Variants in ADAT1 observed in about 807,000 individuals in gnomAD.
The protein encoded by ADAT1 is tRNA-specific adenosine deaminase 1.
A neutral mutation model predicts 58.6 loss-of-function variants in ADAT1; 58 were observed. The ratio of observed to expected loss-of-function variants is 0.99; its 90% CI spans 0.80 to 1.23. The LOEUF (loss-of-function observed/expected upper bound fraction) is 1.23, where lower values mean the gene tolerates loss of function less well. ADAT1 is among the 50% of genes most tolerant of loss of function. The pLI is 0.00. For missense variants in ADAT1, 741 were observed against 608.6 expected, an observed-to-expected ratio of 1.22 and a Z score of -2.29; for synonymous variants, 254 against 220.8, an observed-to-expected ratio of 1.15 and a Z score of -1.33.
At chr16:75,620,062 G>A (rs913955481) in intron 3 of ADAT1, among the ~76,000 whole-genome samples, 5 of 152,038 alleles carry the variant, frequency 3.3e-5, no homozygotes, top group Admixed American at 2.0e-4. Flanking sequence ...TCAGTTATTC[G>A]GAAAGCATGT....
intron 5 of ADAT1, among the ~76,000 whole-genome samples, chr16:75,616,318 T>C (rs1423207009): frequency 6.6e-6 from 1 of 152,180 alleles, no homozygotes; most frequent in Non-Finnish European, 1.5e-5. Flanking sequence ...TCATTCTTTC[T>C]TAAGCTGTAT....
chr16:75,608,750 T>C (rs745371301), intron 7 of ADAT1, 93 bp downstream of exon 7: 80 of 1,483,866 alleles, frequency 5.4e-5, no homozygotes, highest in Non-Finnish European at 6.5e-5. Flanking sequence ...AGTGGTGAAC[T>C]ACCTTCCTAG....
intron 9 of ADAT1, among the ~76,000 whole-genome samples, chr16:75,600,856 T>G (rs1402201975): frequency 6.6e-6 from 1 of 152,230 alleles, no homozygotes; most frequent in Admixed American, 6.5e-5. Context: ...AATAAAATAT[T>G]AAATTTAGAG....
intron 6 of ADAT1, among the ~76,000 whole-genome samples, chr16:75,610,517 G>T (rs2081498971): frequency 6.6e-6 from 1 of 152,116 alleles, no homozygotes; most frequent in Non-Finnish European, 1.5e-5. Flanking sequence ...GGTTGGTCTT[G>T]AACTCCTGGA....
In ADAT1 at chr16:75,599,200, G is replaced by A. The variant is rs977653054; in HGVS notation, c.*1016C>T. The stretch of plus-strand genomic sequence containing the variant: ...GGGTTCAAGCAATTCTCCTGCCTCA[G>A]CCTCCCGAGTAGCTAGGATTACAGG... On this transcript the variant is annotated 3_prime_UTR_variant, in exon 10 of 10. Coordinates refer to ENST00000564657, the MANE Select transcript of ADAT1 (RefSeq NM_001324445.2). The A allele has an allele frequency of 1.1e-6, 1 of 888,626 alleles. No individual in the cohort carries two copies. Among genetic ancestry groups the A allele is most frequent in the Non-Finnish European group, 1.3e-6 (1 of 744,780 alleles). The allele number at this position is 888,626 out of a possible 1,614,324, so 55.0% of individuals were successfully genotyped here.
chr16:75,619,249 G>A (rs183336836), intron 3 of ADAT1, among the ~76,000 whole-genome samples: 328 of 152,218 alleles, frequency 2.2e-3, no homozygotes, highest in African/African-American at 7.3e-3. Flanking sequence ...GGCCAGGGAC[G>A]CAATAGCTCA....
chr16:75,618,577 T>A lies in ADAT1; in HGVS notation c.293+9A>T. ...CCTGCTGAACCATACTCTGGAGATG[T>A]GGCTTTACCTTTGGAAACTCCTTCT... On this transcript the variant is annotated intron_variant, in intron 4 of 9. Coordinates refer to ENST00000564657, the MANE Select transcript of ADAT1 (RefSeq NM_001324445.2). The A allele has an allele frequency of 6.3e-7, 1 of 1,584,778 alleles. No individual in the cohort carries two copies. The highest frequency in any genetic ancestry group is 2.2e-5 in the East Asian group (1 of 44,532).
In ADAT1 at chr16:75,623,099, C is replaced by T. The variant is rs758942665; in HGVS notation, c.-718G>A. The T allele has an allele frequency of 6.6e-6, 1 of 152,462 alleles. No individual in the cohort carries two copies. The highest frequency in any genetic ancestry group is 1.9e-4 in the East Asian group (1 of 5,184). 9.4% of individuals were successfully genotyped at this position (152,462 alleles called of 1,614,324 possible). A position where few individuals can be genotyped will look rare whatever the true frequency, so the allele number is the denominator to read the frequency against. ...GGCGCCGGCTGCTGACAGTTCCAGGCGTGGAGCGCCTTCCCACGTGAAACG... is the reference window on the plus strand; with the variant it reads ...GGCGCCGGCTGCTGACAGTTCCAGGTGTGGAGCGCCTTCCCACGTGAAACG... On this transcript the variant is annotated 5_prime_UTR_variant, in exon 1 of 10. Transcript: ENST00000564657.
At chr16:75,620,143 TAGTC>T (rs1249480532) in intron 3 of ADAT1, 119 bp downstream of exon 3, 42 of 916,898 alleles carry the variant, frequency 4.6e-5, no homozygotes, top group Non-Finnish European at 5.3e-5. Flanking sequence ...ACTGGACTGA[TAGTC>T]AGTAGGAAAC....
chr16:75,618,416 G>C (rs1270585448), intron 4 of ADAT1, among the ~76,000 whole-genome samples, 170 bp downstream of exon 4: 1 of 150,986 alleles, frequency 6.6e-6, no homozygotes. Flanking sequence ...TGAGGCAGGA[G>C]AATTGCTTGA....
At chr16:75,603,810 T>C (rs2081289726) in intron 8 of ADAT1, among the ~76,000 whole-genome samples, 1 of 152,180 alleles carries the variant, frequency 6.6e-6, no homozygotes, top group Admixed American at 6.5e-5. Flanking sequence ...GGAAATGCTG[T>C]GTATACCAAC....
Position 75,598,233 on chromosome 16 carries a change from CA to C in ADAT1, c.*1982del. Reference sequence around the variant, plus strand: ...TTGGGACTATAGGCGTGCGCCAATACACCTGGCTAATTTTTGTATTTTTAGT... The same window carrying C: ...TTGGGACTATAGGCGTGCGCCAATACCCTGGCTAATTTTTGTATTTTTAGT... On this transcript the variant is annotated 3_prime_UTR_variant, in exon 10 of 10. Coordinates refer to ENST00000564657, the MANE Select transcript of ADAT1 (RefSeq NM_001324445.2). The C allele has an allele frequency of 2.8e-6, 1 of 353,458 alleles. No homozygotes were observed. Among genetic ancestry groups the C allele is most frequent in the Non-Finnish European group, 5.6e-6 (1 of 178,352 alleles). The allele number at this position is 353,458 out of a possible 1,614,324, so 21.9% of individuals were successfully genotyped here.
At chr16:75,618,525 A>AT in intron 4 of ADAT1, 61 bp downstream of exon 4, 2 of 1,241,518 alleles carry the variant, frequency 1.6e-6, no homozygotes, top group Non-Finnish European at 2.2e-6. Flanking sequence ...AAAAAAAAAA[A>AT]GTAAATTCCG....
chr16:75,606,750 T>C (rs1413023329), intron 8 of ADAT1, among the ~76,000 whole-genome samples: 2 of 152,222 alleles, frequency 1.3e-5, no homozygotes, highest in African/African-American at 4.8e-5. Flanking sequence ...CACATAACTA[T>C]GTGAAATAAT....
chr16:75,606,849 A>C (rs1217166358), intron 8 of ADAT1, among the ~76,000 whole-genome samples: 3 of 152,250 alleles, frequency 2.0e-5, no homozygotes, highest in African/African-American at 7.2e-5. Context: ...GAATAAATCT[A>C]ATACAAGATG....
chr16:75,601,321 G>A (rs1597086292), intron 9 of ADAT1, among the ~76,000 whole-genome samples: 1 of 150,828 alleles, frequency 6.6e-6, no homozygotes, highest in South Asian at 2.1e-4. Context: ...CAGACTGGGC[G>A]ACAGAGCAAG....
At position 75,619,607 on chromosome 16, in the gene ADAT1, C is replaced by T. The variant is rs189227597; in HGVS notation, c.238+659G>A. On this transcript the variant is annotated intron_variant, in intron 3 of 9. Transcript: ENST00000564657. ...TTCATATTCTTGTTGAGGCCCAAAG[C>T]TTCCTGTCATTCAAGATTGCTTACC... The T allele has an allele frequency of 4.6e-5, 21 of 455,366 alleles. No homozygotes were observed. In the East Asian group the frequency reaches 4.9e-4, roughly 11 times the overall value. The allele number at this position is 455,366 out of a possible 1,614,324, so 28.2% of individuals were successfully genotyped here. A position where few individuals can be genotyped will look rare whatever the true frequency, so the allele number is the denominator to read the frequency against.
intron 2 of ADAT1, 131 bp from the exon 3 acceptor site, chr16:75,620,465 T>C: frequency 7.1e-7 from 1 of 1,408,272 alleles, no homozygotes; most frequent in Non-Finnish European, 9.9e-7. Flanking sequence ...GGTTCCAGCA[T>C]GGCGGTCTCC....
chr16:75,600,921 C>G (rs909929117), intron 9 of ADAT1, among the ~76,000 whole-genome samples: 1 of 152,206 alleles, frequency 6.6e-6, no homozygotes, highest in African/African-American at 2.4e-5. Context: ...GCAACTCTGT[C>G]TCCTTTGTAG....
Sources: allele counts gnomAD v4.1 joint callset (sites outside exome capture counted in the v4.1 genomes callset), GRCh38; gene constraint gnomAD v4.1.1; transcripts MANE v1.5; gene names NCBI Gene and HGNC (gene_info 2026-07-23, HGNC 2026-07-21).